SPTLC2: variants seen among roughly 807,000 people sequenced by gnomAD.
SPTLC2 encodes the protein serine palmitoyltransferase long chain base subunit 2, also known as serine palmitoyltransferase 2.
In SPTLC2, 21 loss-of-function variants were observed where a neutral mutation model predicts 62.0. The ratio of observed to expected loss-of-function variants is 0.34; its 90% CI spans 0.24 to 0.49. SPTLC2 has a LOEUF of 0.49. Ranked by LOEUF, SPTLC2 falls within the 20% of genes least tolerant of loss-of-function variation. The pLI, the probability that SPTLC2 is intolerant of heterozygous loss-of-function variation, is 0.99. For synonymous variants in SPTLC2, 261 were observed against 261.8 expected (o/e 1.00, Z 0.03); for missense variants, 511 against 713.0 (o/e 0.72, Z 3.23).
At position 77,545,431 on chromosome 14, in the gene SPTLC2, T is replaced by C. The variant is rs527747541; in HGVS notation, c.1303+6665A>G. Reference sequence around the variant, plus strand: ...GCAGGCATGCGCCACCATGCCTGGCTAAATTTTTTTGTATTTCAGTAGAGA... The same window carrying C: ...GCAGGCATGCGCCACCATGCCTGGCCAAATTTTTTTGTATTTCAGTAGAGA... On this transcript the variant is annotated intron_variant, in intron 9 of 11. Coordinates refer to ENST00000216484, the MANE Select transcript of SPTLC2 (RefSeq NM_004863.4). Among the ~76,000 whole-genome samples, 6 of 152,266 alleles carry C rather than the reference T, an allele frequency of 3.9e-5. No individual in the cohort carries two copies. The East Asian group carries it at 1.2e-3, about 29-fold the overall frequency.
At chr14:77,518,301 C>T in intron 10 of SPTLC2, 134 bp from the exon 11 acceptor site, 2 of 1,340,394 alleles carry the variant, frequency 1.5e-6, no homozygotes, top group Non-Finnish European at 1.0e-6. Context: ...TTTCCTTTAA[C>T]TCCTTTTAAA....
intron 6 of SPTLC2, among the ~76,000 whole-genome samples, chr14:77,558,082 C>G (rs914981449): frequency 6.7e-6 from 1 of 150,174 alleles, no homozygotes; most frequent in Non-Finnish European, 1.5e-5. Context: ...GAGTCTCCCT[C>G]TGTCATCCAA....
At chr14:77,554,776 TATG>T (rs1302176570) in intron 8 of SPTLC2, 1 of 169,706 alleles carries the variant, frequency 5.9e-6, no homozygotes, top group African/African-American at 2.4e-5. Flanking sequence ...AAATTCACCG[TATG>T]ATTTTTTTCT....
At position 77,612,943 on chromosome 14, in the gene SPTLC2, CT is replaced by C. The variant is rs201795823; in HGVS notation, c.132+3504del. The stretch of plus-strand genomic sequence containing the variant: ...TCAAAACTGTCTCAAAGGTAGATAA[CT>C]TTTTTTCTTTCACACTTATTAACTA... On this transcript the variant is annotated intron_variant, in intron 1 of 11. Coordinates refer to ENST00000216484, the MANE Select transcript of SPTLC2 (RefSeq NM_004863.4). 4.1e-3 allele frequency among the ~76,000 whole-genome samples: 627 copies of C among 152,240 alleles called. 4 individuals are homozygous for C. Among genetic ancestry groups the C allele is most frequent in the African/African-American group, 0.014 (566 of 41,562 alleles).
intron 9 of SPTLC2, among the ~76,000 whole-genome samples, chr14:77,549,602 C>T (rs2079545791): frequency 6.6e-6 from 1 of 152,172 alleles, no homozygotes; most frequent in Admixed American, 6.5e-5. Flanking sequence ...GTCTTCCAGG[C>T]CAGCCCCAGA....
chr14:77,562,656 T>C (rs1306791448), intron 5 of SPTLC2, among the ~76,000 whole-genome samples, 167 bp from the exon 6 acceptor site: 1 of 152,224 alleles, frequency 6.6e-6, no homozygotes, highest in African/African-American at 2.4e-5. Context: ...CGATCATTTG[T>C]TTTTTGTAAA....
chr14:77,561,979 T>C (rs1373524338), intron 6 of SPTLC2, among the ~76,000 whole-genome samples: 1 of 152,246 alleles, frequency 6.6e-6, no homozygotes, highest in African/African-American at 2.4e-5. Context: ...TCCTCTGTGC[T>C]CCCACAGCAT....
chr14:77,592,773 T>A (rs2079825409), intron 2 of SPTLC2, among the ~76,000 whole-genome samples: 1 of 152,134 alleles, frequency 6.6e-6, no homozygotes, highest in Non-Finnish European at 1.5e-5. Flanking sequence ...AGTGTCATTT[T>A]CCTCTTTGTA....
intron 9 of SPTLC2, among the ~76,000 whole-genome samples, chr14:77,529,620 C>CTTTTTTTTTTTTTTTTTTT (rs71452856): frequency 3.9e-5 from 3 of 76,058 alleles, no homozygotes; most frequent in Admixed American, 1.6e-4. Flanking sequence ...TTCTTTCTTT[C>CTTTTTTTTTTTTTTTTTTT]TTTTTTTTTT....
intron 2 of SPTLC2, among the ~76,000 whole-genome samples, chr14:77,590,157 T>G (rs968096614): frequency 6.6e-6 from 1 of 152,206 alleles, no homozygotes; most frequent in East Asian, 1.9e-4. Context: ...TTAATTTTCT[T>G]GTTGAGACAG....
chr14:77,580,481 A>AG (rs2079742823), intron 2 of SPTLC2, among the ~76,000 whole-genome samples: 1 of 151,220 alleles, frequency 6.6e-6, no homozygotes, highest in Non-Finnish European at 1.5e-5. Context: ...CCATATCAAA[A>AG]AAAAAAAAAA....
At position 77,507,419 on chromosome 14, in the gene SPTLC2, C is replaced by G. The variant is rs533708612; in HGVS notation, c.*4865G>C. ...GATCTTGGCTCATTGCATCCTCTGC[C>G]TCTTGGGTTCAAGCAATTCCTGTGC... On this transcript the variant is annotated 3_prime_UTR_variant, in exon 12 of 12. Coordinates refer to ENST00000216484, the MANE Select transcript of SPTLC2 (RefSeq NM_004863.4). The G allele has an allele frequency of 6.6e-6, 1 of 151,772 alleles. No individual in the cohort carries two copies. The highest frequency in any genetic ancestry group is 1.5e-5 in the Non-Finnish European group (1 of 68,016). The allele number at this position is 151,772 out of a possible 1,614,324, so 9.4% of individuals were successfully genotyped here. A position where few individuals can be genotyped will look rare whatever the true frequency, so the allele number is the denominator to read the frequency against.
chr14:77,600,709 A>G (rs1283385719), intron 1 of SPTLC2, among the ~76,000 whole-genome samples: 1 of 152,220 alleles, frequency 6.6e-6, no homozygotes, highest in Non-Finnish European at 1.5e-5. Flanking sequence ...TTAATCAAGG[A>G]AAGATTTAGG....
chr14:77,555,617 C>T (rs1361664578), intron 7 of SPTLC2, 98 bp from the exon 8 acceptor site: 23 of 1,206,078 alleles, frequency 1.9e-5, no homozygotes, highest in Non-Finnish European at 2.4e-5. Flanking sequence ...GAGTTTACTG[C>T]TTCTTTTTTT....
At chr14:77,571,282 G>A (rs867338723) in intron 4 of SPTLC2, among the ~76,000 whole-genome samples, 30 of 152,130 alleles carry the variant, frequency 2.0e-4, no homozygotes, top group African/African-American at 7.0e-4. Context: ...AGGCCAAGGA[G>A]GGCGGATCAC....
Position 77,579,085 on chromosome 14 carries a change from A to C in SPTLC2, c.352T>G (p.Phe118Val). 1 of 1,614,120 alleles carries C rather than the reference A, an allele frequency of 6.2e-7. No homozygotes were observed. Among genetic ancestry groups the C allele is most frequent in the Non-Finnish European group, 8.5e-7 (1 of 1,180,012 alleles). ...QKDFVSLYQD[F>V]ENFYTRNLYM... ...AGATTCCTTGTATAAAAGTTTTCAAAATCTTGATACAATGACACAAAGTCC... is the reference window on the plus strand; with the variant it reads ...AGATTCCTTGTATAAAAGTTTTCAACATCTTGATACAATGACACAAAGTCC... The change falls in exon 3 of 12, where the codon TTT becomes GTT. Residue 118 changes from phenylalanine (F) to valine (V), a missense_variant. Phe to Val is a conservative substitution (Grantham distance 50). Transcript: ENST00000216484.
At chr14:77,561,165 G>A (rs574873315) in intron 6 of SPTLC2, among the ~76,000 whole-genome samples, 2 of 152,288 alleles carry the variant, frequency 1.3e-5, no homozygotes, top group South Asian at 2.1e-4. Flanking sequence ...AACTGTAACT[G>A]TAGTGCTGTT....
In SPTLC2 at chr14:77,512,294, G is replaced by A. The variant is rs1555372691; in HGVS notation, c.1679C>T (p.Thr560Ile). The change falls in exon 12 of 12, where the codon ACA (threonine) becomes ATA (isoleucine). Residue 560 changes from threonine to isoleucine, a missense_variant. Physicochemically the swap from Thr to Ile is moderately conservative, Grantham distance 89 (BLOSUM62 -1). Coordinates refer to ENST00000216484, the MANE Select transcript of SPTLC2 (RefSeq NM_004863.4). ...GAGCACCAAAAAGGCTCAGTCTTCT[G>A]TTTCTTCATACGTCGTCTCGTCAAA... ...RPFDETTYEE[T>I]ED 12 of 1,614,076 alleles carry A rather than the reference G, an allele frequency of 7.4e-6. 1 individual carries two copies. The South Asian group carries it at 1.3e-4, about 18-fold the overall frequency.
At chr14:77,567,238 G>A (rs547135466) in intron 5 of SPTLC2, among the ~76,000 whole-genome samples, 3 of 152,236 alleles carry the variant, frequency 2.0e-5, no homozygotes, top group African/African-American at 7.2e-5. Flanking sequence ...TTACAGGCGT[G>A]AGCCACTGCG....
Sources: allele counts gnomAD v4.1 joint callset (sites outside exome capture counted in the v4.1 genomes callset), GRCh38; gene constraint gnomAD v4.1.1; transcripts MANE v1.5; gene names NCBI Gene and HGNC (gene_info 2026-07-23, HGNC 2026-07-21).